Variants in ZNF512B observed in about 807,000 individuals in gnomAD.
ZNF512B encodes zinc finger protein 512B.
In ZNF512B, 22 loss-of-function variants were observed where a neutral mutation model predicts 87.8. The ratio of observed to expected loss-of-function variants is 0.25; its 90% CI spans 0.18 to 0.36. The LOEUF (loss-of-function observed/expected upper bound fraction) is 0.36. Among genes scored for constraint, ZNF512B ranks in the 10% least tolerant of loss-of-function variants. The pLI, the probability that ZNF512B is intolerant of heterozygous loss-of-function variation, is 1.00. For synonymous variants in ZNF512B, 524 were observed against 490.9 expected (o/e 1.07, Z -0.89); for missense variants, 1,060 against 1,231.6 (o/e 0.86, Z 2.09).
In ZNF512B at chr20:63,957,309, G is replaced by A. The variant is rs11905723; in HGVS notation, c.*2579C>T. On this transcript the variant is annotated 3_prime_UTR_variant, in exon 17 of 17. Coordinates refer to ENST00000369888, the MANE Select transcript of ZNF512B (RefSeq NM_020713.3). ...GCGCTGAGCCAGAGGTAGATCTGCA[G>A]AAAGGGCCCCGACTGGGCCTCGGGC... 6.6e-6 allele frequency: 1 copy of A among 152,548 alleles called. No individual in the cohort carries two copies. Among genetic ancestry groups the A allele is most frequent in the Non-Finnish European group, 1.5e-5 (1 of 68,052 alleles). 9.4% of individuals were successfully genotyped at this position (152,548 alleles called of 1,614,324 possible). A position where few individuals can be genotyped will look rare whatever the true frequency, so the allele number is the denominator to read the frequency against.
rs1036992943 is a variant in ZNF512B, at chr20:63,964,649, C to T, written c.1102G>A (p.Gly368Ser). The change falls in exon 6 of 17, where the codon GGC (glycine) becomes AGC (serine). Residue 368 changes from glycine to serine, a missense_variant. This residue lies in a region of ZNF512B where 212 missense variants were observed against 207.6 expected (regional missense o/e 1.02). Transcript: ENST00000369888. ...KQARPENGEY[G>S]PSSMGQSSAF... is the part of the protein sequence containing the mutation. ...GAGCTCTGGCCCATGGAGGAGGGGC[C>T]GTACTCCCCATTCTCTGGCCTGGCC... 30 of 1,612,592 alleles carry T rather than the reference C, an allele frequency of 1.9e-5. 1 individual carries two copies. Among genetic ancestry groups the T allele is most frequent in the Admixed American group, 1.8e-4 (11 of 60,010 alleles).
chr20:63,960,162 G>A, intron 16 of ZNF512B, 23 bp from the exon 17 acceptor site: 1 of 1,612,232 alleles, frequency 6.2e-7, no homozygotes, highest in Non-Finnish European at 8.5e-7. Flanking sequence ...AAGCGCTGAT[G>A]AAGACCTGGG....
In ZNF512B at chr20:63,957,353, A is replaced by G. The variant is rs560453029; in HGVS notation, c.*2535T>C. The G allele has an allele frequency of 6.6e-6, 1 of 152,472 alleles. No individual in the cohort carries two copies. The highest frequency in any genetic ancestry group is 2.1e-4 in the South Asian group (1 of 4,822). The allele number at this position is 152,472 out of a possible 1,614,324, so 9.4% of individuals were successfully genotyped here. A position where few individuals can be genotyped will look rare whatever the true frequency, so the allele number is the denominator to read the frequency against. On this transcript the variant is annotated 3_prime_UTR_variant, in exon 17 of 17. Coordinates refer to ENST00000369888, the MANE Select transcript of ZNF512B (RefSeq NM_020713.3). ...CTCGGGCAGGGCCGGCGCCCACCAC[A>G]CTCTGGGGGTCAGCTATGCTGGTCC...
chr20:63,968,637 A>ACTAT (rs1023463130), intron 1 of ZNF512B, among the ~76,000 whole-genome samples: 26 of 152,276 alleles, frequency 1.7e-4, no homozygotes, highest in African/African-American at 5.5e-4. Flanking sequence ...TGCCGGCTGA[A>ACTAT]CTATCCTACC....
intron 2 of ZNF512B, 130 bp downstream of exon 2, chr20:63,967,700 T>C (rs1047651567): frequency 2.7e-6 from 4 of 1,493,608 alleles, no homozygotes; most frequent in Non-Finnish European, 3.6e-6. Flanking sequence ...ACCCCTACCC[T>C]GGTAAGGTCC....
chr20:63,967,707 GTCCTTGGGAACT>G, intron 2 of ZNF512B, 111 bp downstream of exon 2: 1 of 1,506,248 alleles, frequency 6.6e-7, no homozygotes. Flanking sequence ...CCCTGGTAAG[GTCCTTGGGAACT>G]CTAGGGGCCT....
intron 9 of ZNF512B, 39 bp from the exon 10 acceptor site, chr20:63,963,749 AG>A (rs776234270): frequency 1.9e-6 from 3 of 1,612,954 alleles, no homozygotes; most frequent in Non-Finnish European, 2.5e-6. Context: ...GCCTGGGGCC[AG>A]GGCGCCTCCC....
intron 10 of ZNF512B, 86 bp from the exon 11 acceptor site, chr20:63,963,526 G>A (rs1275754845): frequency 1.1e-5 from 18 of 1,587,124 alleles, no homozygotes; most frequent in African/African-American, 5.4e-5. Context: ...TTGGGCCACC[G>A]TTGTCCGAGG....
rs572854055 is a variant in ZNF512B at position 63,957,050 on chromosome 20, T to C, written c.*2838A>G. The C allele has an allele frequency of 3.9e-5, 6 of 152,360 alleles. No homozygotes were observed. Among genetic ancestry groups the C allele is most frequent in the South Asian group, 2.1e-4 (1 of 4,810 alleles). The allele number at this position is 152,360 out of a possible 1,614,324, so 9.4% of individuals were successfully genotyped here. A position where few individuals can be genotyped will look rare whatever the true frequency, so the allele number is the denominator to read the frequency against. ...AAGCCTGGGGCCCCAGACCCGGGCC[T>C]GGGGGAGCCGCCTGGGGCCCCGCCA... On this transcript the variant is annotated 3_prime_UTR_variant, in exon 17 of 17. Coordinates refer to ENST00000369888, the MANE Select transcript of ZNF512B (RefSeq NM_020713.3).
In ZNF512B at chr20:63,967,537, C is replaced by G. The variant is rs201990201; in HGVS notation, c.122-14G>C. ...CCACCGGCATCCCTGCAGCACACAA[C>G]ACAGCAAGGCTCGGAAGCTGTGTAG... On this transcript the variant is annotated splice_polypyrimidine_tract_variant and intron_variant, in intron 2 of 16. Transcript: ENST00000369888. The G allele has an allele frequency of 2.3e-4, 366 of 1,581,870 alleles. No homozygotes were observed. The highest frequency in any genetic ancestry group is 3.0e-4 in the Non-Finnish European group (348 of 1,161,100).
At chr20:63,960,571 A>G (rs1391245204) in intron 16 of ZNF512B, among the ~76,000 whole-genome samples, 70 of 94,208 alleles carry the variant, frequency 7.4e-4, no homozygotes, top group Non-Finnish European at 1.0e-3. Context: ...CACAGCCTTC[A>G]GGACCAGGCA....
intron 11 of ZNF512B, 37 bp from the exon 12 acceptor site, chr20:63,963,302 AG>A: frequency 6.5e-7 from 1 of 1,537,456 alleles, no homozygotes; most frequent in Non-Finnish European, 8.7e-7. Context: ...AGTGGCCAGC[AG>A]GGCCCCCCCA....
chr20:63,962,124 T>C (rs2058859389), intron 14 of ZNF512B, 120 bp from the exon 15 acceptor site: 1 of 1,332,410 alleles, frequency 7.5e-7, no homozygotes, highest in Non-Finnish European at 1.0e-6. Flanking sequence ...GTGTGAGTCC[T>C]GGGGACTGGG....
chr20:63,966,861 C>A lies in ZNF512B; in HGVS notation c.393+15G>T, dbSNP rs1414308146. The A allele has an allele frequency of 1.9e-6, 3 of 1,613,544 alleles. No homozygotes were observed. In the African/African-American group the frequency reaches 4.0e-5, roughly 22 times the overall value. On this transcript the variant is annotated intron_variant, in intron 4 of 16. Transcript: ENST00000369888. ...CACCCCGAGGCCTCCTCTCCCCCGACCCACAGTCCCTTACCCCTTGGCACC... is the reference window on the plus strand; with the variant it reads ...CACCCCGAGGCCTCCTCTCCCCCGAACCACAGTCCCTTACCCCTTGGCACC...
intron 14 of ZNF512B, 21 bp downstream of exon 14, chr20:63,962,252 C>T: frequency 5.0e-6 from 8 of 1,595,280 alleles, no homozygotes; most frequent in African/African-American, 1.3e-5. Context: ...CCACGCCCCC[C>T]ACCCGGCTGC....
chr20:63,967,566 C>T (rs758481908), intron 2 of ZNF512B, 43 bp from the exon 3 acceptor site: 32 of 1,543,116 alleles, frequency 2.1e-5, no homozygotes, highest in East Asian at 2.0e-4. Context: ...TGTGTAGCAC[C>T]GCCTACCACC....
chr20:63,962,339 G>C lies in ZNF512B; in HGVS notation c.2199C>G (p.Asn733Lys), dbSNP rs939271387. The stretch of plus-strand genomic sequence containing the variant: ...TCTTCCATGCCTCTAGCAGCTGGGG[G>C]TTCAGCGTGGGGAGCCCTGGTCGAG... ...NYTRPGLPTL[N>K]PQLLEAWKNE... The change falls in exon 14 of 17, where the codon AAC becomes AAG. Residue 733 changes from asparagine (N) to lysine (K), a missense_variant. Around this residue, in one of 9 missense-constraint regions of ZNF512B, gnomAD observed 253 missense variants for 259.2 expected, o/e 0.98. Coordinates refer to ENST00000369888, the MANE Select transcript of ZNF512B (RefSeq NM_020713.3). The C allele has an allele frequency of 6.2e-7, 1 of 1,612,916 alleles. No individual in the cohort carries two copies. Among genetic ancestry groups the C allele is most frequent in the South Asian group, 1.1e-5 (1 of 91,088 alleles).
chr20:63,962,128 G>A (rs370498318), intron 14 of ZNF512B, 124 bp from the exon 15 acceptor site: 3 of 1,318,820 alleles, frequency 2.3e-6, no homozygotes, highest in Admixed American at 2.0e-5. Context: ...GAGTCCTGGG[G>A]ACTGGGCAGG....
chr20:63,961,557 C>T lies in ZNF512B; in HGVS notation c.2329-150G>A. 2 of 733,236 alleles carry T rather than the reference C, an allele frequency of 2.7e-6. No homozygotes were observed. Among genetic ancestry groups the T allele is most frequent in the East Asian group, 2.7e-5 (1 of 37,322 alleles). 45.4% of individuals were successfully genotyped at this position (733,236 alleles called of 1,614,324 possible). ...GACAATGCAGGGGGCCACTGAGTTA[C>T]CAGGGCGGCAGGGGTGGTAGGGGAG... On this transcript the variant is annotated intron_variant, in intron 15 of 16. Coordinates refer to ENST00000369888, the MANE Select transcript of ZNF512B (RefSeq NM_020713.3). This position sits in a 1 kb window ranked among gnomAD's most constrained non-coding sequence, Gnocchi z 6.4.
Sources: gnomAD v4.1 joint callset for allele counts (sites outside exome capture counted in the v4.1 genomes callset) on GRCh38, gnomAD v4.1.1 for gene constraint, gnomAD v4.1.1 regional missense constraint, Gnocchi (gnomAD v3.1) non-coding constraint, MANE v1.5 for transcripts, NCBI Gene and HGNC (gene_info 2026-07-23, HGNC 2026-07-21) for gene names.